PRELID2: variants seen among roughly 807,000 people sequenced by gnomAD.
PRELID2 encodes PRELI domain containing 2.
In PRELID2, 25 loss-of-function variants were observed where a neutral mutation model predicts 28.4. That is an observed-to-expected ratio of 0.88 (90% CI 0.64 to 1.23). PRELID2 has a LOEUF of 1.23. Among genes scored for constraint, PRELID2 ranks in the 50% most tolerant of loss-of-function variants. PRELID2 has a pLI of 0.00. For synonymous variants in PRELID2, 76 were observed against 71.6 expected (o/e 1.06, Z -0.31); for missense variants, 201 against 214.4 (o/e 0.94, Z 0.39).
intron 1 of PRELID2, among the ~76,000 whole-genome samples, chr5:145,632,754 T>A (rs1337537075): frequency 6.6e-6 from 1 of 152,202 alleles, no homozygotes; most frequent in Non-Finnish European, 1.5e-5. Context: ...GTATGTAAGA[T>A]AACCCTCCAT....
At chr5:145,570,543 T>C (rs1485436047) in intron 1 of PRELID2, among the ~76,000 whole-genome samples, 2 of 152,250 alleles carry the variant, frequency 1.3e-5, no homozygotes, top group Admixed American at 6.5e-5. Context: ...CTTCAGTTTA[T>C]AAGTAACTCT....
downstream of PRELID2, among the ~76,000 whole-genome samples, chr5:145,755,062 G>A (rs1757220936): frequency 6.6e-6 from 1 of 152,174 alleles, no homozygotes; most frequent in Non-Finnish European, 1.5e-5. Context: ...AGATCCTGAA[G>A]CATTTCTTCA....
chr5:145,794,137 T>C (rs1270428608), intron 5 of PRELID2, among the ~76,000 whole-genome samples: 1 of 152,178 alleles, frequency 6.6e-6, no homozygotes, highest in Non-Finnish European at 1.5e-5. Context: ...CATGTCCCAT[T>C]ATATAGCCTG....
chr5:145,300,887 T>C, the PRELID2 span, among the ~76,000 whole-genome samples: 63 of 152,014 alleles, frequency 4.1e-4, no homozygotes, highest in African/African-American at 1.5e-3. Context: ...GGCAAATGAT[T>C]TATATGATTT....
At chr5:145,680,010 G>C (rs1754902010) in intron 1 of PRELID2, among the ~76,000 whole-genome samples, 1 of 151,974 alleles carries the variant, frequency 6.6e-6, no homozygotes, top group African/African-American at 2.4e-5. Context: ...ATGAAAGGTA[G>C]ATATATTTAT....
the PRELID2 span, among the ~76,000 whole-genome samples, chr5:145,423,289 C>T: frequency 1.3e-5 from 2 of 148,884 alleles, no homozygotes; most frequent in African/African-American, 4.9e-5. Context: ...GCCTGCCTTG[C>T]TAGATTGGGG....
chr5:145,293,116 C>A, the PRELID2 span, among the ~76,000 whole-genome samples: 1 of 152,068 alleles, frequency 6.6e-6, no homozygotes, highest in African/African-American at 2.4e-5. Flanking sequence ...TAATTGTGCC[C>A]TTTTAGAGAG....
At chr5:145,640,642 T>C (rs1754091863) in intron 1 of PRELID2, among the ~76,000 whole-genome samples, 1 of 121,504 alleles carries the variant, frequency 8.2e-6, no homozygotes, top group African/African-American at 3.6e-5. Flanking sequence ...AGACTCTGTC[T>C]CAAAAAAAAA....
At chr5:145,740,356 C>T (rs1581120883) in intron 1 of PRELID2, among the ~76,000 whole-genome samples, 2 of 115,328 alleles carry the variant, frequency 1.7e-5, no homozygotes, top group Non-Finnish European at 3.5e-5. Flanking sequence ...AACAGAGCTG[C>T]AAAATATGTG....
the PRELID2 span, among the ~76,000 whole-genome samples, chr5:145,408,348 C>G: frequency 3.4e-5 from 5 of 148,546 alleles, no homozygotes; most frequent in Non-Finnish European, 7.4e-5. Context: ...GATGATTAAG[C>G]TACTCAAGGA....
intron 1 of PRELID2, among the ~76,000 whole-genome samples, chr5:145,652,779 C>G (rs56808087): frequency 0.048 from 7,298 of 152,194 alleles, 567 homozygotes; most frequent in African/African-American, 0.16. Context: ...ACAACCAGTA[C>G]CAGCCACTGC....
chr5:145,320,279 T>C, the PRELID2 span, among the ~76,000 whole-genome samples: 3 of 152,020 alleles, frequency 2.0e-5, no homozygotes, highest in African/African-American at 7.2e-5. Flanking sequence ...ACAGCTTTTT[T>C]TTTTTTTTTG....
the PRELID2 span, among the ~76,000 whole-genome samples, chr5:145,445,594 A>G: frequency 6.6e-6 from 1 of 152,096 alleles, no homozygotes; most frequent in Non-Finnish European, 1.5e-5. Context: ...TACAATATCA[A>G]AAAGGGAAGA....
At chr5:145,692,138 T>C (rs1322034744) in intron 1 of PRELID2, among the ~76,000 whole-genome samples, 1 of 152,162 alleles carries the variant, frequency 6.6e-6, no homozygotes, top group East Asian at 1.9e-4. Context: ...GCTCATATTT[T>C]CACAATGCCA....
the PRELID2 span, among the ~76,000 whole-genome samples, chr5:145,235,739 C>G: frequency 6.6e-6 from 1 of 151,950 alleles, no homozygotes; most frequent in Non-Finnish European, 1.5e-5. Flanking sequence ...TAGGATAAGA[C>G]GGTAAGCTTT....
chr5:145,664,647 T>C (rs1754554881), intron 1 of PRELID2, among the ~76,000 whole-genome samples: 1 of 152,098 alleles, frequency 6.6e-6, no homozygotes, highest in African/African-American at 2.4e-5. Context: ...CTGTCCAACA[T>C]TGTCCTTTCT....
At chr5:145,340,783 A>ATATG in the PRELID2 span, among the ~76,000 whole-genome samples, 1 of 144,086 alleles carries the variant, frequency 6.9e-6, no homozygotes, top group Non-Finnish European at 1.5e-5. Flanking sequence ...ATATATATAT[A>ATATG]TATATATATA....
chr5:145,347,630 G>A, the PRELID2 span, among the ~76,000 whole-genome samples: 2 of 152,074 alleles, frequency 1.3e-5, no homozygotes, highest in African/African-American at 4.8e-5. Flanking sequence ...GAGTTTTGGA[G>A]TTTCAGAGCA....
chr5:145,513,289 C>T (rs1393074184), intron 1 of PRELID2, among the ~76,000 whole-genome samples: 1 of 151,420 alleles, frequency 6.6e-6, no homozygotes, highest in African/African-American at 2.4e-5. Context: ...TAGAAAAAAA[C>T]ACAAATGACC....
Sources: gnomAD v4.1 joint callset for allele counts (sites outside exome capture counted in the v4.1 genomes callset) on GRCh38, gnomAD v4.1.1 for gene constraint, MANE v1.5 for transcripts, NCBI Gene and HGNC (gene_info 2026-07-23, HGNC 2026-07-21) for gene names.